The following UBE2E2 variants were observed in gnomAD, a reference collection of about 807,000 sequenced individuals.
The protein encoded by UBE2E2 is ubiquitin conjugating enzyme E2 E2, also known as ubiquitin-conjugating enzyme E2 E2.
Under a neutral mutation model 24.7 loss-of-function variants are expected in UBE2E2, and 6 were observed. The observed-to-expected ratio is 0.24, with a 90% CI of 0.13 to 0.48. The LOEUF is 0.48. UBE2E2 is among the 20% of genes least tolerant of loss of function. The pLI is 0.99. For missense variants in UBE2E2, 169 were observed against 245.0 expected (o/e 0.69, Z 2.07); for synonymous variants, 104 against 83.6 (o/e 1.24, Z -1.33).
chr3:23,357,101 T>C (rs768666057), intron 3 of UBE2E2, among the ~76,000 whole-genome samples: 7 of 152,212 alleles, frequency 4.6e-5, no homozygotes, highest in African/African-American at 9.7e-5. Context: ...TTAAGTATCA[T>C]TGGCCAGAAT....
At chr3:23,330,898 T>G (rs1695040742) in intron 3 of UBE2E2, among the ~76,000 whole-genome samples, 1 of 152,238 alleles carries the variant, frequency 6.6e-6, no homozygotes, top group African/African-American at 2.4e-5. Flanking sequence ...ATGAAACTGT[T>G]AAGCTACTTA....
intron 5 of UBE2E2, among the ~76,000 whole-genome samples, chr3:23,536,775 G>A (rs1415039633): frequency 6.6e-6 from 1 of 152,194 alleles, no homozygotes; most frequent in Non-Finnish European, 1.5e-5. Flanking sequence ...TATAACTGTT[G>A]AATCTGAGTG....
At chr3:23,554,796 G>T (rs1044730395) in intron 5 of UBE2E2, among the ~76,000 whole-genome samples, 1 of 151,830 alleles carries the variant, frequency 6.6e-6, no homozygotes, top group Non-Finnish European at 1.5e-5. Context: ...ACTACAGACT[G>T]GGAAAAAAAT....
chr3:23,447,050 A>G (rs1309421271), intron 3 of UBE2E2, among the ~76,000 whole-genome samples: 1 of 152,106 alleles, frequency 6.6e-6, no homozygotes, highest in East Asian at 1.9e-4. Context: ...TTCCTTAGGT[A>G]TTATCTGATT....
chr3:23,522,292 G>A (rs1214291200), intron 4 of UBE2E2, among the ~76,000 whole-genome samples: 1 of 151,874 alleles, frequency 6.6e-6, no homozygotes, highest in Admixed American at 6.6e-5. Flanking sequence ...CACCACGCCC[G>A]GCTAATTTTG....
At chr3:23,239,038 A>G (rs1697188360) in intron 3 of UBE2E2, among the ~76,000 whole-genome samples, 1 of 152,190 alleles carries the variant, frequency 6.6e-6, no homozygotes, top group Admixed American at 6.5e-5. Context: ...TGAAATGTAT[A>G]CCTTCAGGTT....
chr3:23,542,533 A>T (rs1256343651), intron 5 of UBE2E2, among the ~76,000 whole-genome samples: 1 of 152,178 alleles, frequency 6.6e-6, no homozygotes, highest in Non-Finnish European at 1.5e-5. Context: ...AACTTAGGCC[A>T]TGTGTATCTT....
chr3:23,235,096 A>G (rs1697070299), intron 3 of UBE2E2, among the ~76,000 whole-genome samples: 1 of 152,226 alleles, frequency 6.6e-6, no homozygotes, highest in Admixed American at 6.5e-5. Context: ...GATGGAAGGC[A>G]TCTCCAGCCT....
At chr3:23,350,568 C>T (rs1695713775) in intron 3 of UBE2E2, among the ~76,000 whole-genome samples, 1 of 152,122 alleles carries the variant, frequency 6.6e-6, no homozygotes, top group Admixed American at 6.5e-5. Context: ...AAAGCCAAGG[C>T]TCGGGAACTA....
chr3:23,411,836 T>C (rs1206793310), intron 3 of UBE2E2, among the ~76,000 whole-genome samples: 3 of 152,172 alleles, frequency 2.0e-5, no homozygotes, highest in Admixed American at 2.0e-4. Context: ...TTAGCTATTG[T>C]TATAATTATT....
chr3:23,312,819 T>C (rs1559343990), intron 3 of UBE2E2, among the ~76,000 whole-genome samples: 1 of 152,204 alleles, frequency 6.6e-6, no homozygotes, highest in East Asian at 1.9e-4. Context: ...CAAGAAAGTT[T>C]TCAATTTTCT....
chr3:23,533,843 G>A (rs941389318), intron 5 of UBE2E2, among the ~76,000 whole-genome samples: 17 of 151,846 alleles, frequency 1.1e-4, no homozygotes, highest in Non-Finnish European at 1.9e-4. Flanking sequence ...GCCAGGTCTC[G>A]AACTCCTGAC....
chr3:23,431,356 T>G (rs902142547), intron 3 of UBE2E2, among the ~76,000 whole-genome samples: 1 of 152,202 alleles, frequency 6.6e-6, no homozygotes, highest in African/African-American at 2.4e-5. Context: ...TAGTGAGCTG[T>G]TCAAAGATGC....
chr3:23,283,914 T>G (rs998226263), intron 3 of UBE2E2, among the ~76,000 whole-genome samples: 4 of 152,180 alleles, frequency 2.6e-5, no homozygotes, highest in Admixed American at 6.5e-5. Context: ...GATTCTGATA[T>G]GTGCACAAGT....
intron 4 of UBE2E2, 28 bp downstream of exon 4, chr3:23,499,768 A>G: frequency 6.2e-7 from 1 of 1,607,306 alleles, no homozygotes; most frequent in South Asian, 1.1e-5. Context: ...ATTGATTTTT[A>G]GCAATATGGA....
Position 23,590,001 on chromosome 3 carries a change from C to A in UBE2E2, c.*170C>A. On this transcript the variant is annotated 3_prime_UTR_variant, in exon 6 of 6. Transcript: ENST00000396703. ...CTTCCCATCCCAGTTCTTCCTGCCC[C>A]CCTTCCTCTCTCCCACGCTCTCTTT... is the stretch of plus-strand genomic sequence containing the variant. 1 of 557,560 alleles carries A rather than the reference C, an allele frequency of 1.8e-6. No homozygotes were observed. Among genetic ancestry groups the A allele is most frequent in the East Asian group, 2.9e-5 (1 of 34,168 alleles). 34.5% of individuals were successfully genotyped at this position (557,560 alleles called of 1,614,324 possible).
intron 3 of UBE2E2, among the ~76,000 whole-genome samples, chr3:23,403,089 A>G (rs917334844): frequency 6.6e-6 from 1 of 152,236 alleles, no homozygotes; most frequent in African/African-American, 2.4e-5. Flanking sequence ...AATGGTTTGT[A>G]TACATTCAGA....
intron 3 of UBE2E2, among the ~76,000 whole-genome samples, chr3:23,471,390 G>A (rs1165933050): frequency 6.6e-6 from 1 of 152,102 alleles, no homozygotes; most frequent in East Asian, 1.9e-4. Context: ...TAGCAGGTAA[G>A]GACAAACTGC....
At chr3:23,526,074 C>T (rs911482868) in intron 4 of UBE2E2, among the ~76,000 whole-genome samples, 6 of 152,092 alleles carry the variant, frequency 3.9e-5, no homozygotes, top group Non-Finnish European at 5.9e-5. Flanking sequence ...CTTTTATTAG[C>T]GAGTTTTTAC....
Sources: allele counts gnomAD v4.1 joint callset (sites outside exome capture counted in the v4.1 genomes callset), GRCh38; gene constraint gnomAD v4.1.1; transcripts MANE v1.5; gene names NCBI Gene and HGNC (gene_info 2026-07-23, HGNC 2026-07-21).